Variants in PRR5L observed in about 807,000 individuals in gnomAD.
PRR5L encodes the protein proline-rich protein 5-like.
PRR5L carries 21 observed loss-of-function variants against 36.4 expected under a neutral mutation model. The observed-to-expected ratio is 0.58, with a 90% confidence interval of 0.41 to 0.83. PRR5L has a LOEUF of 0.83. Ranked by LOEUF, PRR5L falls within the 40% of genes least tolerant of loss-of-function variation. PRR5L has a pLI of 0.00. For missense variants in PRR5L, 381 were observed against 473.3 expected, an observed-to-expected ratio of 0.80 and a Z score of 1.81; for synonymous variants, 188 against 197.0, an observed-to-expected ratio of 0.95 and a Z score of 0.38.
rs1859260689 is a variant in PRR5L at position 36,464,713 on chromosome 11, TG to T, written c.*1980del. Reference sequence around the variant, plus strand: ...GGCAAAGTAATTAATTAATCATGCTTGGGCTTACTTTTTCAGTTTGTAAGGT... The same window carrying T: ...GGCAAAGTAATTAATTAATCATGCTTGGCTTACTTTTTCAGTTTGTAAGGT... On this transcript the variant is annotated 3_prime_UTR_variant, in exon 9 of 9. Transcript: ENST00000530639. The T allele has an allele frequency of 6.6e-6, 1 of 152,214 alleles. No individual in the cohort carries two copies. Among genetic ancestry groups the T allele is most frequent in the African/African-American group, 2.4e-5 (1 of 41,454 alleles). 9.4% of individuals were successfully genotyped at this position (152,214 alleles called of 1,614,324 possible).
chr11:36,391,393 A>G (rs1857562271), intron 1 of PRR5L, among the ~76,000 whole-genome samples: 2 of 152,208 alleles, frequency 1.3e-5, no homozygotes, highest in South Asian at 4.1e-4. Context: ...GAGATGACAC[A>G]TTCTTTTTCT....
At chr11:36,437,083 C>CT (rs1228304979) in intron 5 of PRR5L, among the ~76,000 whole-genome samples, 51 of 152,170 alleles carry the variant, frequency 3.4e-4, no homozygotes. Context: ...CATTCAGAGT[C>CT]TTACTAGTGA....
At chr11:36,323,923 C>T (rs1856636431) in intron 1 of PRR5L, among the ~76,000 whole-genome samples, 1 of 152,072 alleles carries the variant, frequency 6.6e-6, no homozygotes, top group Admixed American at 6.5e-5. Context: ...ACTAATAATA[C>T]CGTGTATTGG....
intron 1 of PRR5L, among the ~76,000 whole-genome samples, chr11:36,297,701 C>T (rs763121449): frequency 2.6e-4 from 39 of 152,328 alleles, no homozygotes; most frequent in Non-Finnish European, 5.3e-4. Flanking sequence ...AGCACAGCCT[C>T]ATTCAGCAAT....
chr11:36,423,927 C>T (rs1382233509), intron 4 of PRR5L, among the ~76,000 whole-genome samples: 1 of 152,182 alleles, frequency 6.6e-6, no homozygotes, highest in African/African-American at 2.4e-5. Flanking sequence ...TCGAGAAGCA[C>T]CCCTGGGTGT....
chr11:36,337,812 T>C (rs368715250), intron 1 of PRR5L, among the ~76,000 whole-genome samples: 2 of 152,234 alleles, frequency 1.3e-5, no homozygotes, highest in South Asian at 4.1e-4. Context: ...CAGTTATGAA[T>C]AATTTCAGGC....
At chr11:36,440,818 A>AG (rs1858706090) in intron 6 of PRR5L, among the ~76,000 whole-genome samples, 1 of 152,246 alleles carries the variant, frequency 6.6e-6, no homozygotes, top group East Asian at 1.9e-4. Context: ...AGAAGGCAAC[A>AG]GGGGAGCCAG....
rs775078547 is a variant in PRR5L, at chr11:36,401,299, C to A, written c.164+14C>A. 2.5e-6 allele frequency: 4 copies of A among 1,607,598 alleles called. No individual in the cohort carries two copies. The Admixed American group carries it at 5.0e-5, about 20-fold the overall frequency. ...AGCCTGGAACAGGTGAAGGAGGCTGCAGGATGTGGGGTGGAGGGCTGCCAA... is the reference window on the plus strand; with the variant it reads ...AGCCTGGAACAGGTGAAGGAGGCTGAAGGATGTGGGGTGGAGGGCTGCCAA... On this transcript the variant is annotated intron_variant, in intron 2 of 8. Transcript: ENST00000530639.
intron 7 of PRR5L, among the ~76,000 whole-genome samples, chr11:36,450,516 C>G (rs1203664478): frequency 6.6e-6 from 1 of 152,204 alleles, no homozygotes; most frequent in Non-Finnish European, 1.5e-5. Flanking sequence ...TTACTCAGGG[C>G]TTAGCTCTGA....
chr11:36,422,203 A>G (rs1858280495), intron 4 of PRR5L, among the ~76,000 whole-genome samples: 1 of 152,222 alleles, frequency 6.6e-6, no homozygotes, highest in Admixed American at 6.5e-5. Flanking sequence ...TTCACTTTAC[A>G]GAAGAAATCT....
At chr11:36,371,619 G>T (rs1299554981) in intron 1 of PRR5L, among the ~76,000 whole-genome samples, 1 of 152,118 alleles carries the variant, frequency 6.6e-6, no homozygotes, top group Non-Finnish European at 1.5e-5. Flanking sequence ...ACTTATGGGA[G>T]GATATATGTT....
At chr11:36,435,862 C>T (rs774466468) in intron 5 of PRR5L, among the ~76,000 whole-genome samples, 8 of 152,288 alleles carry the variant, frequency 5.3e-5, no homozygotes, top group East Asian at 3.9e-4. Context: ...CATCCATTCA[C>T]GCAAAGATTT....
intron 1 of PRR5L, among the ~76,000 whole-genome samples, chr11:36,351,258 G>T (rs1295320228): frequency 0.011 from 312 of 27,992 alleles, 15 homozygotes; most frequent in African/African-American, 0.039. Flanking sequence ...TTTTATATAT[G>T]TATATTTATA....
chr11:36,447,680 C>T (rs1306970724), intron 7 of PRR5L, among the ~76,000 whole-genome samples: 2 of 152,194 alleles, frequency 1.3e-5, no homozygotes, highest in East Asian at 1.9e-4. Flanking sequence ...CAATCCTTCC[C>T]CCACATCCCC....
At chr11:36,374,867 G>A (rs1187480007) in intron 1 of PRR5L, among the ~76,000 whole-genome samples, 1 of 152,152 alleles carries the variant, frequency 6.6e-6, no homozygotes, top group Non-Finnish European at 1.5e-5. Context: ...TGGAGACCTT[G>A]CCATTTTGGC....
At chr11:36,461,246 G>A (rs1318366470) in intron 8 of PRR5L, among the ~76,000 whole-genome samples, 1 of 152,184 alleles carries the variant, frequency 6.6e-6, no homozygotes, top group Non-Finnish European at 1.5e-5. Context: ...ACAATACCAT[G>A]ACTTAGGTTC....
At chr11:36,441,984 G>T (rs1441769469) in intron 6 of PRR5L, among the ~76,000 whole-genome samples, 1 of 152,102 alleles carries the variant, frequency 6.6e-6, no homozygotes, top group African/African-American at 2.4e-5. Flanking sequence ...CCCTGAGCGT[G>T]GCCTCCAAAA....
At chr11:36,347,153 C>T (rs1009032720) in intron 1 of PRR5L, among the ~76,000 whole-genome samples, 2 of 152,134 alleles carry the variant, frequency 1.3e-5, no homozygotes, top group African/African-American at 2.4e-5. Flanking sequence ...GTGGGATTGG[C>T]AGTAGGGTGA....
At chr11:36,335,203 T>C (rs1856756966) in intron 1 of PRR5L, among the ~76,000 whole-genome samples, 1 of 152,080 alleles carries the variant, frequency 6.6e-6, no homozygotes, top group East Asian at 1.9e-4. Context: ...TAGCTGAAAC[T>C]ACAGGTGCAC....
Sources: gnomAD v4.1 joint callset for allele counts (sites outside exome capture counted in the v4.1 genomes callset) on GRCh38, gnomAD v4.1.1 for gene constraint, MANE v1.5 for transcripts, NCBI Gene and HGNC (gene_info 2026-07-23, HGNC 2026-07-21) for gene names.